Variants in MGAT4C observed in about 807,000 individuals in gnomAD.
MGAT4C encodes the protein MGAT4 family member C.
In MGAT4C, 19 loss-of-function variants were observed where a neutral mutation model predicts 40.1. That is an observed-to-expected ratio of 0.47 (90% CI 0.33 to 0.70). The LOEUF (loss-of-function observed/expected upper bound fraction) is 0.70, where lower values mean the gene tolerates loss of function less well. MGAT4C is among the 30% of genes least tolerant of loss of function. The probability of loss-of-function intolerance (pLI) is 0.02; values close to 1 mark genes in which losing one functional copy is unlikely to be tolerated. For missense variants in MGAT4C, 491 were observed against 563.2 expected, an observed-to-expected ratio of 0.87 and a Z score of 1.30; for synonymous variants, 181 against 187.1, an observed-to-expected ratio of 0.97 and a Z score of 0.27.
Position 86,488,437 on chromosome 12 carries a change from A to C in MGAT4C, c.-228-53172T>G, listed in dbSNP as rs371931782. On this transcript the variant is annotated intron_variant, in intron 2 of 7. Coordinates refer to the MGAT4C transcript ENST00000548651. ...GTGAGACCCTGTCTCAAAAAAAAAA[A>C]ACAAAAAACCCAAAATGAAACAAAA... 9.3e-5 allele frequency among the ~76,000 whole-genome samples: 14 copies of C among 151,112 alleles called. No individual in the cohort carries two copies. The South Asian group carries it at 1.7e-3, about 18-fold the overall frequency.
chr12:86,138,310 T>C (rs839139), intron 1 of MGAT4C, among the ~76,000 whole-genome samples: 131,454 of 148,918 alleles, frequency 0.88, 58,142 homozygotes, highest in East Asian at 1. Flanking sequence ...GTTACAATCA[T>C]TTTTTTTTTT....
chr12:86,300,870 G>A (rs577757755), intron 4 of MGAT4C, among the ~76,000 whole-genome samples: 1 of 152,060 alleles, frequency 6.6e-6, no homozygotes, highest in African/African-American at 2.4e-5. Flanking sequence ...TATGATCCTC[G>A]ATTAGGAGTA....
At chr12:86,225,248 G>A (rs963978394) in intron 1 of MGAT4C, among the ~76,000 whole-genome samples, 6 of 152,018 alleles carry the variant, frequency 3.9e-5, no homozygotes, top group Non-Finnish European at 7.4e-5. Context: ...ATCAGGAAGT[G>A]ATGGAAAACC....
intron 2 of MGAT4C, among the ~76,000 whole-genome samples, chr12:86,650,717 C>A (rs1565904591): frequency 2.0e-5 from 3 of 151,830 alleles, no homozygotes; most frequent in Non-Finnish European, 4.4e-5. Flanking sequence ...CCCTGCAAAG[C>A]CCTCATTGAC....
chr12:86,200,530 C>T (rs1178895518), intron 1 of MGAT4C, among the ~76,000 whole-genome samples: 1 of 152,092 alleles, frequency 6.6e-6, no homozygotes, highest in African/African-American at 2.4e-5. Context: ...TCAGTTGTTT[C>T]AATTTTAGGC....
intron 1 of MGAT4C, among the ~76,000 whole-genome samples, chr12:86,161,302 AAC>A (rs1399560386): frequency 6.6e-6 from 1 of 152,108 alleles, no homozygotes; most frequent in Non-Finnish European, 1.5e-5. Flanking sequence ...ACTGCTACCA[AAC>A]ACAGACACAT....
chr12:86,457,021 A>G (rs1443319709), intron 2 of MGAT4C, among the ~76,000 whole-genome samples: 1 of 152,142 alleles, frequency 6.6e-6, no homozygotes, highest in African/African-American at 2.4e-5. Flanking sequence ...GAAATCTCAG[A>G]TGGTCCAGGA....
In MGAT4C at chr12:86,495,001, G is replaced by A. The variant is rs565022381; in HGVS notation, c.-228-59736C>T. On this transcript the variant is annotated intron_variant, in intron 2 of 7. Coordinates refer to the MGAT4C transcript ENST00000548651. The stretch of plus-strand genomic sequence containing the variant: ...GAAAATAAACACATCTAAAAATCTA[G>A]TGATTCTACTTCTAAGAATATGCAG... 2.6e-4 allele frequency among the ~76,000 whole-genome samples: 39 copies of A among 152,110 alleles called. No individual in the cohort carries two copies. In the South Asian group the frequency reaches 3.1e-3, roughly 12 times the overall value.
At chr12:86,755,670 A>G (rs1951293394) in intron 1 of MGAT4C, among the ~76,000 whole-genome samples, 1 of 130,168 alleles carries the variant, frequency 7.7e-6, no homozygotes, top group South Asian at 2.3e-4. Context: ...TTTTCTTTTC[A>G]GGGTCTCACT....
At chr12:86,401,302 G>GTATA (rs760420110) in intron 3 of MGAT4C, among the ~76,000 whole-genome samples, 1 of 148,888 alleles carries the variant, frequency 6.7e-6, no homozygotes, top group East Asian at 2.0e-4. Flanking sequence ...GTGTGTGTGT[G>GTATA]TATATATATA....
chr12:86,119,162 T>C (rs1878933394), intron 1 of MGAT4C, among the ~76,000 whole-genome samples: 1 of 151,996 alleles, frequency 6.6e-6, no homozygotes, highest in South Asian at 2.1e-4. Context: ...AAAAATTAAG[T>C]AATAATTTTT....
At chr12:86,390,067 T>C (rs1189455613) in intron 3 of MGAT4C, among the ~76,000 whole-genome samples, 2 of 152,180 alleles carry the variant, frequency 1.3e-5, no homozygotes, top group African/African-American at 4.8e-5. Context: ...AGAGTGAAAC[T>C]CATGATTCAG....
At chr12:86,700,588 C>T (rs191372590) in intron 2 of MGAT4C, among the ~76,000 whole-genome samples, 14 of 152,048 alleles carry the variant, frequency 9.2e-5, no homozygotes, top group Admixed American at 7.2e-4. Context: ...GAAAAGGTTA[C>T]GTATGTATTA....
intron 2 of MGAT4C, among the ~76,000 whole-genome samples, chr12:86,026,653 G>A (rs1345173927): frequency 1.3e-5 from 2 of 151,894 alleles, no homozygotes; most frequent in East Asian, 1.9e-4. Context: ...TCTCATTTAT[G>A]AGAGATACTT....
chr12:86,581,843 T>C (rs927626515), intron 2 of MGAT4C, among the ~76,000 whole-genome samples: 1 of 151,458 alleles, frequency 6.6e-6, no homozygotes, highest in Non-Finnish European at 1.5e-5. Flanking sequence ...TTTTTAACAA[T>C]TAAGGAATGT....
At chr12:86,520,396 C>T (rs746043989) in intron 2 of MGAT4C, among the ~76,000 whole-genome samples, 3 of 152,022 alleles carry the variant, frequency 2.0e-5, no homozygotes, top group African/African-American at 4.8e-5. Context: ...GCAAAGGACA[C>T]GATCTCATTC....
At chr12:86,435,580 T>C (rs367544517) in intron 2 of MGAT4C, among the ~76,000 whole-genome samples, 6 of 151,976 alleles carry the variant, frequency 3.9e-5, no homozygotes, top group African/African-American at 1.4e-4. Context: ...AGCACCTATA[T>C]GTCTTTATTT....
At chr12:86,608,783 T>C (rs1425175106) in intron 2 of MGAT4C, among the ~76,000 whole-genome samples, 1 of 152,150 alleles carries the variant, frequency 6.6e-6, no homozygotes, top group Admixed American at 6.6e-5. Flanking sequence ...ACTTGAAATG[T>C]GCATAAGATG....
At chr12:86,280,428 T>TAG (rs1269901611) in intron 4 of MGAT4C, among the ~76,000 whole-genome samples, 1 of 151,966 alleles carries the variant, frequency 6.6e-6, no homozygotes, top group African/African-American at 2.4e-5. Flanking sequence ...TATTAAAAGG[T>TAG]AACTATTTGA....
Sources: gnomAD v4.1 joint callset for allele counts (sites outside exome capture counted in the v4.1 genomes callset) on GRCh38, gnomAD v4.1.1 for gene constraint, MANE v1.5 for transcripts, NCBI Gene and HGNC (gene_info 2026-07-23, HGNC 2026-07-21) for gene names.